Variants in FBLN2 observed in about 807,000 individuals in gnomAD.
FBLN2 encodes fibulin 2.
Under a neutral mutation model 123.7 loss-of-function variants are expected in FBLN2, and 81 were observed. That is an observed-to-expected ratio of 0.65 (90% CI 0.55 to 0.79). The LOEUF is 0.79. Ranked by LOEUF, FBLN2 falls within the 30% of genes least tolerant of loss-of-function variation. The pLI, the probability that FBLN2 is intolerant of heterozygous loss-of-function variation, is 0.00. For synonymous variants in FBLN2, 699 were observed against 701.4 expected (o/e 1.00, Z 0.05); for missense variants, 1,603 against 1,681.3 (o/e 0.95, Z 0.81).
chr3:13,608,649 C>T (rs915311286), intron 3 of FBLN2, among the ~76,000 whole-genome samples: 1 of 152,214 alleles, frequency 6.6e-6, no homozygotes, highest in Non-Finnish European at 1.5e-5. Flanking sequence ...TCTGATACCA[C>T]AGCAAAGCAA....
At chr3:13,582,106 G>T (rs1341207376) in intron 2 of FBLN2, among the ~76,000 whole-genome samples, 1 of 152,192 alleles carries the variant, frequency 6.6e-6, no homozygotes, top group Non-Finnish European at 1.5e-5. Context: ...TGGACACCAG[G>T]TGCAGGGGAG....
chr3:13,557,126 T>C (rs1703484350), intron 1 of FBLN2, among the ~76,000 whole-genome samples: 2 of 152,234 alleles, frequency 1.3e-5, no homozygotes, highest in Admixed American at 1.3e-4. Context: ...CAGCCCAGCC[T>C]GGGAAGAACA....
intron 1 of FBLN2, among the ~76,000 whole-genome samples, chr3:13,566,124 T>C (rs1703740715): frequency 6.6e-6 from 1 of 151,042 alleles, no homozygotes; most frequent in African/African-American, 2.5e-5. Flanking sequence ...AGGCTCTGAC[T>C]GCTGGGACTG....
intron 4 of FBLN2, among the ~76,000 whole-genome samples, chr3:13,612,364 G>T (rs187882387): frequency 3.9e-4 from 29 of 73,522 alleles, no homozygotes; most frequent in African/African-American, 2.2e-3. Flanking sequence ...CTTTCTGTCT[G>T]TCTGTCTCTC....
chr3:13,614,554 T>G (rs536898668), intron 5 of FBLN2, among the ~76,000 whole-genome samples: 33 of 151,054 alleles, frequency 2.2e-4, no homozygotes, highest in African/African-American at 7.6e-4. Flanking sequence ...CACTCCCTCA[T>G]TCATCCTCTA....
chr3:13,634,842 G>A (rs1198507507), intron 16 of FBLN2, among the ~76,000 whole-genome samples: 1 of 152,240 alleles, frequency 6.6e-6, no homozygotes, highest in Non-Finnish European at 1.5e-5. Flanking sequence ...ATGTGACCCT[G>A]GGCACATTTG....
intron 8 of FBLN2, among the ~76,000 whole-genome samples, chr3:13,621,450 C>T (rs986931408): frequency 2.0e-5 from 3 of 152,236 alleles, no homozygotes; most frequent in East Asian, 1.9e-4. Context: ...TGCAAGCTCT[C>T]GGGGGCATGG....
chr3:13,601,156 G>A (rs962258835), intron 2 of FBLN2, among the ~76,000 whole-genome samples: 4 of 152,176 alleles, frequency 2.6e-5, no homozygotes, highest in African/African-American at 9.7e-5. Flanking sequence ...GGTTGCTAGC[G>A]CTGCTATATT....
Position 13,609,543 on chromosome 3 carries a change from C to T in FBLN2, c.1449C>T (p.Tyr483=), listed in dbSNP as rs1705318918. Residue 483 remains tyrosine (Y), a synonymous_variant, in exon 4 of 18, where the codon TAC becomes TAT. Coordinates refer to ENST00000404922, the MANE Select transcript of FBLN2 (RefSeq NM_001004019.2). ...RTAQRHCCVS[Y]LQEKSCMAGV... is the part of the protein sequence containing the mutation. ...CCCAGAGGCACTGCTGTGTCTCCTA[C>T]TTGCAGGAGAAGAGCTGCATGGCCG... The T allele has an allele frequency of 5.2e-6, 8 of 1,551,862 alleles. No homozygotes were observed. Among genetic ancestry groups the T allele is most frequent in the East Asian group, 4.9e-5 (2 of 41,088 alleles).
At chr3:13,613,817 CAGACTTGGGAAATAGAGGCAG>C (rs1363235698) in intron 4 of FBLN2, 146 bp from the exon 5 acceptor site, 1 of 645,968 alleles carries the variant, frequency 1.5e-6, no homozygotes, top group Non-Finnish European at 2.5e-6. Flanking sequence ...CTACCTGTGC[CAGACTTGGGAAATAGAGGCAG>C]AGGACCCCTC....
Position 13,603,101 on chromosome 3 carries a change from C to T in FBLN2, c.1307-4961C>T, listed in dbSNP as rs150640602. Among the ~76,000 whole-genome samples, 775 of 151,582 alleles carry T rather than the reference C, an allele frequency of 5.1e-3. 1 individual carries two copies. Among genetic ancestry groups the T allele is most frequent in the Middle Eastern group, 0.014 (4 of 294 alleles). On this transcript the variant is annotated intron_variant, in intron 2 of 17. Transcript: ENST00000404922. The stretch of plus-strand genomic sequence containing the variant: ...AATTTTTTTGTATTTTTAGCAGAGA[C>T]GAGGTTTCATTATGTTGGCTAGGCT...
At chr3:13,624,086 G>C (rs1705943544) in intron 9 of FBLN2, among the ~76,000 whole-genome samples, 2 of 152,078 alleles carry the variant, frequency 1.3e-5, no homozygotes, top group Non-Finnish European at 2.9e-5. Flanking sequence ...AGATGTGAGG[G>C]AGGCAGCCCC....
chr3:13,580,559 C>T (rs1574958134), intron 2 of FBLN2, among the ~76,000 whole-genome samples: 1 of 152,154 alleles, frequency 6.6e-6, no homozygotes, highest in East Asian at 1.9e-4. Flanking sequence ...TAAGCAGGTT[C>T]TGGACTTTGC....
At chr3:13,627,313 T>C (rs908298557) in intron 10 of FBLN2, among the ~76,000 whole-genome samples, 16 of 152,022 alleles carry the variant, frequency 1.1e-4, no homozygotes, top group Admixed American at 1.0e-3. Flanking sequence ...GTCTCCGGGG[T>C]TGGAGCCTTC....
intron 2 of FBLN2, among the ~76,000 whole-genome samples, chr3:13,581,869 G>T (rs1704343712): frequency 6.6e-6 from 1 of 152,140 alleles, no homozygotes; most frequent in Non-Finnish European, 1.5e-5. Flanking sequence ...GAAGTGTTGA[G>T]CCCAGCTCTG....
At chr3:13,633,568 C>T (rs1706337092) in intron 16 of FBLN2, among the ~76,000 whole-genome samples, 1 of 152,280 alleles carries the variant, frequency 6.6e-6, no homozygotes, top group African/African-American at 2.4e-5. Context: ...TCCTGACCTT[C>T]AGAGCTAAGA....
chr3:13,638,021 T>A lies in FBLN2; in HGVS notation c.*102T>A. ...TGGTTTTTACTATAACTTTGTAAATTAACTTAATTTTGCTGACTTGACTCC... is the reference window on the plus strand; with the variant it reads ...TGGTTTTTACTATAACTTTGTAAATAAACTTAATTTTGCTGACTTGACTCC... On this transcript the variant is annotated 3_prime_UTR_variant, in exon 18 of 18. Coordinates refer to ENST00000404922, the MANE Select transcript of FBLN2 (RefSeq NM_001004019.2). 8.7e-7 allele frequency: 1 copy of A among 1,143,858 alleles called. No individual in the cohort carries two copies. The highest frequency in any genetic ancestry group is 1.3e-6 in the Non-Finnish European group (1 of 798,770). The allele number at this position is 1,143,858 out of a possible 1,614,324, so 70.9% of individuals were successfully genotyped here.
chr3:13,575,837 C>T (rs576475594), intron 2 of FBLN2, among the ~76,000 whole-genome samples: 141 of 152,312 alleles, frequency 9.3e-4, no homozygotes, highest in African/African-American at 3.1e-3. Flanking sequence ...TTCCGCTCCT[C>T]CCCCATCCCA....
At position 13,618,837 on chromosome 3, in the gene FBLN2, A is replaced by C. The variant is rs573957704; in HGVS notation, c.1940-67A>C. On this transcript the variant is annotated intron_variant, in intron 6 of 17. Coordinates refer to ENST00000404922, the MANE Select transcript of FBLN2 (RefSeq NM_001004019.2). ...TGTGTGAGAAGGGCAGGTGCCTGGA[A>C]GTGCCTGAGGCCTGGCTGAAGACCT... 5.5e-5 allele frequency: 63 copies of C among 1,152,878 alleles called. No homozygotes were observed. In the African/African-American group the frequency reaches 8.7e-4, roughly 16 times the overall value. The allele number at this position is 1,152,878 out of a possible 1,614,324, so 71.4% of individuals were successfully genotyped here.
Sources: gnomAD v4.1 joint callset for allele counts (sites outside exome capture counted in the v4.1 genomes callset) on GRCh38, gnomAD v4.1.1 for gene constraint, MANE v1.5 for transcripts, NCBI Gene and HGNC (gene_info 2026-07-23, HGNC 2026-07-21) for gene names.